The following SYNM variants were observed in gnomAD, a reference collection of about 807,000 sequenced individuals.
SYNM encodes desmuslin.
A neutral mutation model predicts 104.0 loss-of-function variants in SYNM; 95 were observed. The ratio of observed to expected loss-of-function variants is 0.91; its 90% CI spans 0.77 to 1.08. The LOEUF (loss-of-function observed/expected upper bound fraction) is 1.08, where lower values mean the gene tolerates loss of function less well. Ranked by LOEUF, SYNM falls within the 50% of genes least tolerant of loss-of-function variation. The pLI, the probability that SYNM is intolerant of heterozygous loss-of-function variation, is 0.00. For synonymous variants in SYNM, 918 were observed against 869.0 expected (o/e 1.06, Z -0.99); for missense variants, 2,150 against 2,052.2 (o/e 1.05, Z -0.92).
chr15:99,128,292 G>A (rs565691275), intron 3 of SYNM, among the ~76,000 whole-genome samples: 5 of 152,246 alleles, frequency 3.3e-5, no homozygotes, highest in Non-Finnish European at 2.9e-5. Flanking sequence ...CCGCTTGCCC[G>A]CTAGCCGGTG....
intron 2 of SYNM, among the ~76,000 whole-genome samples, chr15:99,123,352 T>C (rs1163927981): frequency 6.7e-6 from 1 of 149,910 alleles, no homozygotes; most frequent in Non-Finnish European, 1.5e-5. Flanking sequence ...GGCTCTGGGA[T>C]GTGGTTGAAT....
downstream of SYNM, chr15:99,138,196 TTGCTGCCCAGCAGG>T: frequency 2.5e-6 from 4 of 1,584,920 alleles, no homozygotes; most frequent in Non-Finnish European, 3.4e-6. Context: ...CATCCAGCCT[TTGCTGCCCAGCAGG>T]TGCCCAGACC....
rs1337624144 is a variant in SYNM, at chr15:99,134,057, C to T, written c.*999C>T. On this transcript the variant is annotated 3_prime_UTR_variant, in exon 4 of 4. Transcript: ENST00000336292. ...CTGTGCCTCTTAAAGATGCCTTTCCCAACCCTCCATTCATGGGATGCAGGT... is the reference window on the plus strand; with the variant it reads ...CTGTGCCTCTTAAAGATGCCTTTCCTAACCCTCCATTCATGGGATGCAGGT... The T allele has an allele frequency of 3.9e-5, 6 of 152,162 alleles. No individual in the cohort carries two copies. The highest frequency in any genetic ancestry group is 3.3e-4 in the Admixed American group (5 of 15,284). 9.4% of individuals were successfully genotyped at this position (152,162 alleles called of 1,614,324 possible).
downstream of SYNM, chr15:99,140,452 C>T (rs974251990): frequency 4.6e-5 from 7 of 152,088 alleles, no homozygotes; most frequent in Non-Finnish European, 1.0e-4. Context: ...TCACTGCAAC[C>T]TCCACCTCCT....
chr15:99,133,196 G>T lies in SYNM; in HGVS notation c.*138G>T. 4.1e-6 allele frequency: 6 copies of T among 1,449,938 alleles called. No individual in the cohort carries two copies. Among genetic ancestry groups the T allele is most frequent in the Non-Finnish European group, 3.6e-6 (4 of 1,105,054 alleles). 89.8% of individuals were successfully genotyped at this position (1,449,938 alleles called of 1,614,324 possible). ...TTTTTTAAAGAGTACTCCCGGCATG[G>T]TCAATTTCCTTTATAGTTAATCCGT... On this transcript the variant is annotated 3_prime_UTR_variant, in exon 4 of 4. Transcript: ENST00000336292.
chr15:99,111,632 G>A (rs566188429), intron 1 of SYNM, among the ~76,000 whole-genome samples: 3 of 152,302 alleles, frequency 2.0e-5, no homozygotes, highest in South Asian at 2.1e-4. Context: ...AAAAGCTAAG[G>A]GGTTTTAAAC....
At chr15:99,136,784 G>T (rs2067625667), downstream of SYNM, 2 of 152,222 alleles carry the variant, frequency 1.3e-5, no homozygotes, top group Admixed American at 6.5e-5. Flanking sequence ...GCACACTGCT[G>T]ATGTCCGACA....
chr15:99,113,849 A>C (rs868918720), intron 2 of SYNM, 134 bp downstream of exon 2: 9 of 1,371,468 alleles, frequency 6.6e-6, no homozygotes, highest in African/African-American at 5.8e-5. Flanking sequence ...AGCCCTTGGC[A>C]TGGCCAGGCA....
Position 99,131,960 on chromosome 15 carries a change from G to T in SYNM, c.3600G>T (p.Trp1200Cys). The T allele has an allele frequency of 6.2e-7, 1 of 1,613,880 alleles. No homozygotes were observed. The highest frequency in any genetic ancestry group is 8.5e-7 in the Non-Finnish European group (1 of 1,179,896). The change falls in exon 4 of 4, where the codon TGG becomes TGT. Residue 1200 changes from tryptophan to cysteine, a missense_variant. By Grantham distance (215) the Trp-to-Cys change is radical. Transcript: ENST00000336292. This position sits in a 1 kb window ranked among gnomAD's most constrained non-coding sequence, Gnocchi z 4.3. The stretch of plus-strand genomic sequence containing the variant: ...CTGCCCCTGCCTGTCCAGAGGCATG[G>T]GGCTCGCCAGAACCTGGCCCAGCAG... ...LGPAPACPEA[W>C]GSPEPGPAES... is the part of the protein sequence containing the mutation.
Position 99,129,454 on chromosome 15 carries a change from T to C in SYNM, c.1094T>C (p.Leu365Ser). ...CTATTTTCAAGGCAGAAAGCACCTT[T>C]GGCAAGTTTCAATCACAGCTCGGCA... ...RNLFSRQKAP[L>S]ASFNHSSALY... is the part of the protein sequence containing the mutation. The change falls in exon 4 of 4, where the codon TTG (leucine) becomes TCG (serine). Residue 365 changes from leucine to serine, a missense_variant. Physicochemically the swap from Leu to Ser is moderately radical, Grantham distance 145 (BLOSUM62 -2). Transcript: ENST00000336292. 2 of 1,614,004 alleles carry C rather than the reference T, an allele frequency of 1.2e-6. No homozygotes were observed. Among genetic ancestry groups the C allele is most frequent in the Admixed American group, 3.3e-5 (2 of 60,018 alleles).
rs1206949048 is a variant in SYNM, at chr15:99,110,868, G to T, written c.811-2723G>T. 2.6e-5 allele frequency among the ~76,000 whole-genome samples: 4 copies of T among 152,196 alleles called. No homozygotes were observed. The East Asian group carries it at 5.8e-4, about 22-fold the overall frequency. ...AGCGTCCCGTGTCTGGGGCTCCAGT[G>T]CCTCTGTCCTGACCCACAGCTTGCT... On this transcript the variant is annotated intron_variant, in intron 1 of 3. Transcript: ENST00000336292.
At position 99,130,869 on chromosome 15, in the gene SYNM, G is replaced by C. The variant is rs1567283872; in HGVS notation, c.2509G>C (p.Glu837Gln). ...EQSYFVSTPD[E>Q]HPGGHDRDDG... is the part of the protein sequence containing the mutation. ...GAGTTATTTTGTGTCCACTCCAGAT[G>C]AACACCCCGGGGGGCACGACAGAGA... Residue 837 changes from glutamate to glutamine, a missense_variant, in exon 4 of 4, where the codon GAA (glutamate) becomes CAA (glutamine). Transcript: ENST00000336292. The C allele has an allele frequency of 6.2e-7, 1 of 1,613,970 alleles. No homozygotes were observed. Among genetic ancestry groups the C allele is most frequent in the African/African-American group, 1.3e-5 (1 of 75,018 alleles).
In SYNM at chr15:99,132,987, T is replaced by A; in HGVS notation, c.4627T>A (p.Ser1543Thr). Residue 1543 changes from serine (S) to threonine (T), a missense_variant, in exon 4 of 4, where the codon TCA becomes ACA. Transcript: ENST00000336292. ...AATGGTAGACCAAAGGTCGGTGATT[T>A]CAGATGAAAAGAAAGTTGCCCTCCT... ...QRMVDQRSVI[S>T]DEKKVALLYL... 1.9e-6 allele frequency: 3 copies of A among 1,613,528 alleles called. No individual in the cohort carries two copies. Among genetic ancestry groups the A allele is most frequent in the South Asian group, 1.1e-5 (1 of 91,014 alleles).
Position 99,131,459 on chromosome 15 carries a change from G to A in SYNM, c.3099G>A (p.Ser1033=), listed in dbSNP as rs782225810. 3.1e-5 allele frequency: 50 copies of A among 1,606,672 alleles called. No homozygotes were observed. Among genetic ancestry groups the A allele is most frequent in the South Asian group, 1.4e-4 (13 of 90,678 alleles). ...EASEMEKAVE[S]VVRESLSRQR... is the part of the protein sequence containing the mutation. Reference sequence around the variant, plus strand: ...GTGAGATGGAGAAGGCTGTGGAGTCGGTGGTTCGGGAGAGCCTGAGCAGGC... The same window carrying A: ...GTGAGATGGAGAAGGCTGTGGAGTCAGTGGTTCGGGAGAGCCTGAGCAGGC... Residue 1033 remains serine, a synonymous_variant, in exon 4 of 4, where the codon TCG becomes TCA. Transcript: ENST00000336292. This position sits in a 1 kb window ranked among gnomAD's most constrained non-coding sequence, Gnocchi z 4.3.
In SYNM at chr15:99,132,630, T is replaced by A; in HGVS notation, c.4270T>A (p.Ser1424Thr). 1 of 1,614,012 alleles carries A rather than the reference T, an allele frequency of 6.2e-7. No individual in the cohort carries two copies. The highest frequency in any genetic ancestry group is 8.5e-7 in the Non-Finnish European group (1 of 1,179,888). ...SEHIAIRGPV[S>T]RTFVLAGSAD... The stretch of plus-strand genomic sequence containing the variant: ...ACACATTGCCATCCGTGGACCCGTG[T>A]CCAGAACATTTGTGCTTGCTGGTTC... The change falls in exon 4 of 4, where the codon TCC (serine) becomes ACC (threonine). Residue 1424 changes from serine to threonine, a missense_variant. Coordinates refer to ENST00000336292, the MANE Select transcript of SYNM (RefSeq NM_145728.3).
the SYNM span, chr15:99,140,699 T>C: frequency 6.6e-6 from 1 of 152,154 alleles, no homozygotes; most frequent in African/African-American, 2.4e-5. Context: ...TAGGGAAGTA[T>C]TTCTTAGACA....
chr15:99,112,737 G>A (rs2067310477), intron 1 of SYNM, among the ~76,000 whole-genome samples: 1 of 152,182 alleles, frequency 6.6e-6, no homozygotes, highest in African/African-American at 2.4e-5. Context: ...TTGAGGTGGA[G>A]TCTCGCTCTG....
At chr15:99,126,651 A>C in intron 2 of SYNM, 71 bp from the exon 3 acceptor site, 1 of 1,411,126 alleles carries the variant, frequency 7.1e-7, no homozygotes, top group East Asian at 2.5e-5. Flanking sequence ...GCATACCACG[A>C]TACGTTTTAT....
At position 99,131,574 on chromosome 15, in the gene SYNM, G is replaced by A. The variant is rs781968712; in HGVS notation, c.3214G>A (p.Glu1072Lys). 6.8e-6 allele frequency: 11 copies of A among 1,609,538 alleles called. No individual in the cohort carries two copies. The highest frequency in any genetic ancestry group is 5.0e-5 in the Admixed American group (3 of 59,956). ...TCGCTTTAGGCGTTGGGCCACCCGG[G>A]AGCTGTACATCCCTTCAGGCGAGAG... is the stretch of plus-strand genomic sequence containing the variant. ...GIRFRRWATR[E>K]LYIPSGESEV... Residue 1072 changes from glutamate to lysine, a missense_variant, in exon 4 of 4, where the codon GAG (glutamate) becomes AAG (lysine). Physicochemically the swap from Glu to Lys is moderately conservative, Grantham distance 56. Coordinates refer to ENST00000336292, the MANE Select transcript of SYNM (RefSeq NM_145728.3). This position sits in a 1 kb window ranked among gnomAD's most constrained non-coding sequence, Gnocchi z 4.3.
Sources: allele counts gnomAD v4.1 joint callset (sites outside exome capture counted in the v4.1 genomes callset), GRCh38; gene constraint gnomAD v4.1.1; non-coding constraint Gnocchi (gnomAD v3.1); transcripts MANE v1.5; gene names NCBI Gene and HGNC (gene_info 2026-07-23, HGNC 2026-07-21).